PARD3B: variants seen among roughly 807,000 people sequenced by gnomAD.
PARD3B encodes the protein par-3 family cell polarity regulator beta.
In PARD3B, 103 loss-of-function variants were observed where a neutral mutation model predicts 130.2. That is an observed-to-expected ratio of 0.79 (90% CI 0.67 to 0.93). The LOEUF (loss-of-function observed/expected upper bound fraction) is 0.93. Ranked by LOEUF, PARD3B falls within the 40% of genes least tolerant of loss-of-function variation. PARD3B has a pLI of 0.00. For synonymous variants in PARD3B, 583 were observed against 553.2 expected (o/e 1.05, Z -0.76); for missense variants, 1,609 against 1,499.2 (o/e 1.07, Z -1.21).
At chr2:205,392,958 A>C (rs1486699967) in intron 18 of PARD3B, among the ~76,000 whole-genome samples, 2 of 152,214 alleles carry the variant, frequency 1.3e-5, no homozygotes, top group Admixed American at 1.3e-4. Context: ...AGGGACCCCC[A>C]AAAAGGGGTT....
chr2:205,155,336 A>G (rs1292198421), intron 10 of PARD3B, among the ~76,000 whole-genome samples: 1 of 152,186 alleles, frequency 6.6e-6, no homozygotes, highest in Admixed American at 6.5e-5. Context: ...AGAAATTTCA[A>G]CAGGCTTTCA....
intron 2 of PARD3B, among the ~76,000 whole-genome samples, chr2:204,740,241 C>T (rs949876851): frequency 2.6e-5 from 4 of 151,752 alleles, no homozygotes; most frequent in African/African-American, 4.8e-5. Context: ...AGGCTGATCG[C>T]GATCTCCTGA....
intron 2 of PARD3B, among the ~76,000 whole-genome samples, chr2:204,752,012 C>T (rs2040484193): frequency 6.6e-6 from 1 of 152,078 alleles, no homozygotes; most frequent in Admixed American, 6.6e-5. Context: ...ATATGTCTTA[C>T]TAGATATTTG....
intron 18 of PARD3B, among the ~76,000 whole-genome samples, chr2:205,399,521 A>ATT (rs1306105623): frequency 6.6e-6 from 1 of 151,576 alleles, no homozygotes; most frequent in Non-Finnish European, 1.5e-5. Flanking sequence ...CGCCCGGCTA[A>ATT]TTTTTGTATT....
At chr2:205,189,024 G>A (rs981376432) in intron 14 of PARD3B, among the ~76,000 whole-genome samples, 3 of 152,098 alleles carry the variant, frequency 2.0e-5, no homozygotes, top group African/African-American at 4.8e-5. Context: ...AAATATAAAG[G>A]AAATAAACTT....
chr2:205,305,153 A>G (rs1322965173), intron 18 of PARD3B, among the ~76,000 whole-genome samples: 3 of 152,186 alleles, frequency 2.0e-5, no homozygotes, highest in African/African-American at 7.2e-5. Flanking sequence ...GCTCATTTCC[A>G]AATTGCATTC....
At chr2:204,783,014 T>C (rs764348756) in intron 2 of PARD3B, among the ~76,000 whole-genome samples, 1 of 152,096 alleles carries the variant, frequency 6.6e-6, no homozygotes, top group South Asian at 2.1e-4. Flanking sequence ...TATCTACCTG[T>C]TGTATTTTCA....
At chr2:205,226,379 G>T (rs1183788980) in intron 15 of PARD3B, among the ~76,000 whole-genome samples, 6 of 152,166 alleles carry the variant, frequency 3.9e-5, no homozygotes, top group Non-Finnish European at 7.4e-5. Flanking sequence ...ATTTGCCCAT[G>T]TTTGCAGTTG....
At chr2:205,350,968 T>C (rs1574777305) in intron 18 of PARD3B, among the ~76,000 whole-genome samples, 1 of 152,230 alleles carries the variant, frequency 6.6e-6, no homozygotes, top group East Asian at 1.9e-4. Flanking sequence ...TTTTATAACT[T>C]TTTGGCAATT....
intron 18 of PARD3B, among the ~76,000 whole-genome samples, chr2:205,358,697 C>T (rs2105871454): frequency 1.3e-5 from 2 of 152,316 alleles, no homozygotes; most frequent in Admixed American, 6.5e-5. Context: ...TTCTCTCTTG[C>T]ATTCGTTTTA....
chr2:205,383,139 G>GATAGATAT (rs1480539066), intron 18 of PARD3B, among the ~76,000 whole-genome samples: 2 of 129,868 alleles, frequency 1.5e-5, no homozygotes, highest in Non-Finnish European at 3.3e-5. Context: ...TAGATAGATA[G>GATAGATAT]ATCGATCTAA....
intron 3 of PARD3B, among the ~76,000 whole-genome samples, chr2:205,040,339 C>T (rs188398090): frequency 1.2e-3 from 177 of 152,288 alleles, no homozygotes; most frequent in African/African-American, 4.1e-3. Flanking sequence ...GTTGCAGCCC[C>T]TCCTCCGTGC....
rs1466122317 is a variant in PARD3B, at chr2:205,241,357, G to C, written c.2141-4421G>C. ...CTAAATAAATCGGAAGAAAGATCAA[G>C]AGGAGGCAGTCCATGGTACTCTCTA... On this transcript the variant is annotated intron_variant, in intron 15 of 22. Coordinates refer to ENST00000406610, the MANE Select transcript of PARD3B (RefSeq NM_001302769.2). The surrounding 1 kb of genome is among the most constrained non-coding windows in gnomAD (Gnocchi z 4.2). 6.6e-6 allele frequency among the ~76,000 whole-genome samples: 1 copy of C among 152,154 alleles called. No homozygotes were observed. The highest frequency in any genetic ancestry group is 1.5e-5 in the Non-Finnish European group (1 of 68,008).
chr2:205,081,569 A>G (rs1701408441), intron 4 of PARD3B, among the ~76,000 whole-genome samples: 1 of 152,046 alleles, frequency 6.6e-6, no homozygotes, highest in African/African-American at 2.4e-5. Flanking sequence ...TAGGTTGAAG[A>G]AGGTTCCTTC....
intron 13 of PARD3B, among the ~76,000 whole-genome samples, chr2:205,182,387 C>G (rs975621563): frequency 6.6e-6 from 1 of 150,632 alleles, no homozygotes; most frequent in Non-Finnish European, 1.5e-5. Context: ...CCGATCACCA[C>G]TTTAAAAAAA....
At chr2:205,520,565 A>ACC (rs2050999567) in intron 21 of PARD3B, among the ~76,000 whole-genome samples, 1 of 152,176 alleles carries the variant, frequency 6.6e-6, no homozygotes, top group African/African-American at 2.4e-5. Flanking sequence ...ATCATAAATT[A>ACC]ATACATGCTC....
chr2:205,541,797 A>G (rs2052151608), intron 21 of PARD3B, among the ~76,000 whole-genome samples: 1 of 152,152 alleles, frequency 6.6e-6, no homozygotes, highest in Non-Finnish European at 1.5e-5. Context: ...ACCTGATGAT[A>G]GGCAGAGCTA....
At chr2:204,629,957 A>G (rs2125137955) in intron 1 of PARD3B, among the ~76,000 whole-genome samples, 1 of 152,338 alleles carries the variant, frequency 6.6e-6, no homozygotes, top group South Asian at 2.1e-4. Context: ...CATTACATAA[A>G]GTAAGATATC....
chr2:204,979,657 C>T (rs13423844), intron 3 of PARD3B, among the ~76,000 whole-genome samples: 1 of 152,074 alleles, frequency 6.6e-6, no homozygotes. Flanking sequence ...GGTATAGAAA[C>T]TGATTCAGTG....
Sources: gnomAD v4.1 joint callset for allele counts (sites outside exome capture counted in the v4.1 genomes callset) on GRCh38, gnomAD v4.1.1 for gene constraint, Gnocchi (gnomAD v3.1) non-coding constraint, MANE v1.5 for transcripts, NCBI Gene and HGNC (gene_info 2026-07-23, HGNC 2026-07-21) for gene names.